AMPH: variants seen among roughly 807,000 people sequenced by gnomAD.
The protein encoded by AMPH is amphiphysin (Stiff-Mann syndrome with breast cancer 128kD autoantigen).
AMPH carries 49 observed loss-of-function variants against 99.1 expected under a neutral mutation model. The observed-to-expected ratio is 0.49, with a 90% CI of 0.39 to 0.63. The LOEUF is 0.63. AMPH is among the 20% of genes least tolerant of loss of function. AMPH has a pLI of 0.00. For synonymous variants in AMPH, 314 were observed against 317.3 expected, an observed-to-expected ratio of 0.99 and a Z score of 0.11; for missense variants, 759 against 863.4, an observed-to-expected ratio of 0.88 and a Z score of 1.52.
chr7:38,598,429 A>G (rs1031936999), intron 1 of AMPH, among the ~76,000 whole-genome samples: 7 of 152,056 alleles, frequency 4.6e-5, no homozygotes, highest in African/African-American at 1.7e-4. Context: ...CAGCCTCCCA[A>G]GTAGCTGGGA....
intron 11 of AMPH, among the ~76,000 whole-genome samples, chr7:38,436,700 G>A (rs1786280516): frequency 6.6e-6 from 1 of 152,142 alleles, no homozygotes; most frequent in African/African-American, 2.4e-5. Context: ...AATATACCAA[G>A]ATGCAAGGAG....
intron 1 of AMPH, among the ~76,000 whole-genome samples, chr7:38,574,611 GAATA>G (rs1192806856): frequency 1.3e-5 from 2 of 152,122 alleles, no homozygotes; most frequent in Non-Finnish European, 2.9e-5. Flanking sequence ...CTTATTACAA[GAATA>G]AATATTTAGG....
At position 38,535,000 on chromosome 7, in the gene AMPH, C is replaced by T. The variant is rs943386903; in HGVS notation, c.81G>A (p.Lys27=). 1.9e-6 allele frequency: 3 copies of T among 1,613,918 alleles called. No individual in the cohort carries two copies. The highest frequency in any genetic ancestry group is 1.7e-6 in the Non-Finnish European group (2 of 1,179,902). ...CTTTTGTCTCATCAGCTTTCCCCAGCTTTTGGAGGACCTAATTTGCAAATA... is the reference window on the plus strand; with the variant it reads ...CTTTTGTCTCATCAGCTTTCCCCAGTTTTTGGAGGACCTAATTTGCAAATA... ...LNRAQEKVLQ[K]LGKADETKDE... is the part of the protein sequence containing the mutation. Residue 27 remains lysine, a synonymous_variant, in exon 2 of 21, where the codon AAG becomes AAA. Transcript: ENST00000356264.
chr7:38,534,132 T>C (rs753489777), intron 2 of AMPH, among the ~76,000 whole-genome samples: 1 of 152,184 alleles, frequency 6.6e-6, no homozygotes, highest in Non-Finnish European at 1.5e-5. Context: ...GTATACTATA[T>C]GTCTGCTTAT....
intron 17 of AMPH, among the ~76,000 whole-genome samples, chr7:38,399,909 C>T (rs766083104): frequency 2.6e-5 from 4 of 152,094 alleles, no homozygotes; most frequent in Non-Finnish European, 5.9e-5. Flanking sequence ...TCTCCTTGAC[C>T]TTGGGCACAT....
At chr7:38,566,216 G>C (rs1212823933) in intron 1 of AMPH, among the ~76,000 whole-genome samples, 3 of 152,232 alleles carry the variant, frequency 2.0e-5, no homozygotes, top group Admixed American at 1.3e-4. Context: ...AAAGCACCTT[G>C]AGACAAAAGC....
At chr7:38,506,057 C>T (rs1020410361) in intron 2 of AMPH, among the ~76,000 whole-genome samples, 2 of 152,180 alleles carry the variant, frequency 1.3e-5, no homozygotes, top group Non-Finnish European at 2.9e-5. Flanking sequence ...CATGCTCCTG[C>T]CATTTCTTTC....
intron 16 of AMPH, chr7:38,420,928 A>G (rs535227503): frequency 2.2e-6 from 1 of 456,338 alleles, no homozygotes; most frequent in Non-Finnish European, 4.4e-6. Flanking sequence ...CAGAATAGTC[A>G]ATGAGCCAAA....
Position 38,503,690 on chromosome 7 carries a change from T to C in AMPH, c.165A>G (p.Arg55=), listed in dbSNP as rs1789229123. The part of the protein sequence containing the change: ...NFKRQEAEGT[R]LQRELRGYLA... ...AATATCCTCGGAGTTCTCGCTGAAG[T>C]CTGGTACCCTCTGCCTAAAAAACAC... is the stretch of plus-strand genomic sequence containing the variant. Residue 55 remains arginine (R), a synonymous_variant, in exon 3 of 21, where the codon AGA becomes AGG. Coordinates refer to ENST00000356264, the MANE Select transcript of AMPH (RefSeq NM_001635.4). The C allele has an allele frequency of 6.2e-7, 1 of 1,614,054 alleles. No homozygotes were observed. Among genetic ancestry groups the C allele is most frequent in the South Asian group, 1.1e-5 (1 of 91,082 alleles).
chr7:38,515,327 G>A (rs987011078), intron 2 of AMPH, among the ~76,000 whole-genome samples: 1 of 152,194 alleles, frequency 6.6e-6, no homozygotes, highest in Non-Finnish European at 1.5e-5. Flanking sequence ...GAGATGACTG[G>A]ATCATGGGGG....
intron 16 of AMPH, chr7:38,421,069 C>A: frequency 2.2e-6 from 1 of 456,542 alleles, no homozygotes. Flanking sequence ...CTGAACATGA[C>A]AAAGCTAAGT....
At chr7:38,455,133 G>A (rs1348446725) in intron 11 of AMPH, among the ~76,000 whole-genome samples, 1 of 151,586 alleles carries the variant, frequency 6.6e-6, no homozygotes, top group African/African-American at 2.4e-5. Context: ...AGGCTGGAGT[G>A]CAACGGCACA....
At chr7:38,526,565 T>C (rs1022063076) in intron 2 of AMPH, among the ~76,000 whole-genome samples, 6 of 150,742 alleles carry the variant, frequency 4.0e-5, no homozygotes, top group African/African-American at 1.5e-4. Flanking sequence ...CGTGAGCCAC[T>C]GCACCCGGCC....
At chr7:38,503,771 C>T (rs6946268) in intron 2 of AMPH, 67 bp from the exon 3 acceptor site, 1,489,999 of 1,520,630 alleles carry the variant, frequency 0.98, 730,090 homozygotes, top group East Asian at 1. Flanking sequence ...GTAAGAAGTG[C>T]TAAGTCTCAA....
At position 38,602,772 on chromosome 7, in the gene AMPH, C is replaced by T. The variant is rs184541779; in HGVS notation, c.69+28511G>A. The stretch of plus-strand genomic sequence containing the variant: ...CCTACCACAGTTTTCAATACCTTGA[C>T]GTGACACCCTGAAATGATGCACCAA... On this transcript the variant is annotated intron_variant, in intron 1 of 20. Transcript: ENST00000356264. Among the ~76,000 whole-genome samples the T allele has an allele frequency of 3.9e-5, 6 of 152,280 alleles. No homozygotes were observed. In the East Asian group the frequency reaches 1.2e-3, roughly 29 times the overall value.
At chr7:38,542,332 C>T (rs1790834979) in intron 1 of AMPH, among the ~76,000 whole-genome samples, 1 of 152,186 alleles carries the variant, frequency 6.6e-6, no homozygotes, top group South Asian at 2.1e-4. Context: ...CTCCAGTGGC[C>T]CCATTCACAA....
intron 1 of AMPH, among the ~76,000 whole-genome samples, chr7:38,555,168 G>C (rs1037175315): frequency 6.6e-6 from 1 of 151,930 alleles, no homozygotes; most frequent in African/African-American, 2.4e-5. Flanking sequence ...AGTTCTTTGG[G>C]AGACCAGTGA....
At chr7:38,530,571 G>T (rs1010116725) in intron 2 of AMPH, among the ~76,000 whole-genome samples, 1 of 152,178 alleles carries the variant, frequency 6.6e-6, no homozygotes, top group African/African-American at 2.4e-5. Flanking sequence ...CCAAATAGTT[G>T]GTTATCTGGG....
At chr7:38,408,942 C>T (rs757058703) in intron 17 of AMPH, among the ~76,000 whole-genome samples, 4 of 152,026 alleles carry the variant, frequency 2.6e-5, no homozygotes, top group East Asian at 1.9e-4. Context: ...CAACTGAGAA[C>T]ATTTAGAAGT....
Sources: gnomAD v4.1 joint callset for allele counts (sites outside exome capture counted in the v4.1 genomes callset) on GRCh38, gnomAD v4.1.1 for gene constraint, MANE v1.5 for transcripts, NCBI Gene and HGNC (gene_info 2026-07-23, HGNC 2026-07-21) for gene names.